Variants in KIAA0232 observed in about 807,000 individuals in gnomAD.
KIAA0232 encodes uncharacterized protein KIAA0232.
KIAA0232 carries 27 observed loss-of-function variants against 122.0 expected under a neutral mutation model. The ratio of observed to expected loss-of-function variants is 0.22; its 90% confidence interval spans 0.16 to 0.31. KIAA0232 has a LOEUF of 0.31. Among genes scored for constraint, KIAA0232 ranks in the 10% least tolerant of loss-of-function variants. KIAA0232 has a pLI of 1.00. For missense variants in KIAA0232, 1,551 were observed against 1,634.2 expected (o/e 0.95, Z 0.88); for synonymous variants, 613 against 587.6 (o/e 1.04, Z -0.63).
chr4:6,856,302 G>A (rs938442338), intron 4 of KIAA0232, among the ~76,000 whole-genome samples: 3 of 152,170 alleles, frequency 2.0e-5, no homozygotes, highest in Admixed American at 2.0e-4. Context: ...CTTGATTCCA[G>A]TTTAAATAGG....
At chr4:6,840,317 G>T (rs1165177478) in intron 3 of KIAA0232, among the ~76,000 whole-genome samples, 1 of 152,156 alleles carries the variant, frequency 6.6e-6, no homozygotes, top group Non-Finnish European at 1.5e-5. Flanking sequence ...TTGGCCACGT[G>T]CCTCTCTCTG....
At position 6,861,354 on chromosome 4, in the gene KIAA0232, C is replaced by T. The variant is rs758487464; in HGVS notation, c.972C>T (p.Asn324=). The part of the protein sequence containing the change: ...KVRHKAREIR[N]KKGRNGQSRL... Reference sequence around the variant, plus strand: ...GACACAAGGCACGAGAGATTCGAAACAAAAAAGGGCGGAATGGGCAAAGCA... The same window carrying T: ...GACACAAGGCACGAGAGATTCGAAATAAAAAAGGGCGGAATGGGCAAAGCA... The change falls in exon 7 of 10, where the codon AAC becomes AAT. Residue 324 remains asparagine, a synonymous_variant. Coordinates refer to ENST00000307659, the MANE Select transcript of KIAA0232 (RefSeq NM_014743.3). 6.2e-7 allele frequency: 1 copy of T among 1,613,952 alleles called. No individual in the cohort carries two copies. Among genetic ancestry groups the T allele is most frequent in the East Asian group, 2.2e-5 (1 of 44,870 alleles).
chr4:6,822,335 G>C (rs73080513), intron 2 of KIAA0232, among the ~76,000 whole-genome samples: 2,301 of 152,214 alleles, frequency 0.015, 53 homozygotes, highest in African/African-American at 0.052. Context: ...ACTTAGTCCT[G>C]CGGTGAACTT....
At chr4:6,880,241 G>C (rs4996398) in intron 9 of KIAA0232, among the ~76,000 whole-genome samples, 87 of 7,194 alleles carry the variant, frequency 0.012, 11 homozygotes, top group African/African-American at 0.051. Flanking sequence ...TCCCAACACA[G>C]AGGTCTGCAG....
In KIAA0232 at chr4:6,858,525, G is replaced by T. The variant is rs768069549; in HGVS notation, c.518+19G>T. 22 of 1,510,124 alleles carry T rather than the reference G, an allele frequency of 1.5e-5. No homozygotes were observed. Among genetic ancestry groups the T allele is most frequent in the Non-Finnish European group, 1.7e-5 (19 of 1,101,868 alleles). The allele number at this position is 1,510,124 out of a possible 1,614,324, so 93.5% of individuals were successfully genotyped here. ...TGGAAATGTATGTAAGATTGTATTC[G>T]GTAATAAAGTGTGCATTTGTTAAAA... is the stretch of plus-strand genomic sequence containing the variant. On this transcript the variant is annotated intron_variant, in intron 6 of 9. Transcript: ENST00000307659.
At chr4:6,844,065 G>T (rs1021522186) in intron 4 of KIAA0232, among the ~76,000 whole-genome samples, 1 of 144,824 alleles carries the variant, frequency 6.9e-6, no homozygotes, top group South Asian at 2.3e-4. Flanking sequence ...TCAGCCTCCT[G>T]AATAGCTGGG....
chr4:6,857,590 G>A (rs1720629617), intron 5 of KIAA0232, among the ~76,000 whole-genome samples: 1 of 152,042 alleles, frequency 6.6e-6, no homozygotes, highest in South Asian at 2.1e-4. Flanking sequence ...CCCCATCCTT[G>A]CCCCTCTGTT....
Position 6,860,019 on chromosome 4 carries a change from A to G in KIAA0232, c.519-882A>G, listed in dbSNP as rs537901574. Among the ~76,000 whole-genome samples, 164 of 152,324 alleles carry G rather than the reference A, an allele frequency of 1.1e-3. 1 individual carries two copies. The highest frequency in any genetic ancestry group is 3.8e-3 in the African/African-American group (156 of 41,570). ...ACACAGGCTCTCAGGCCTCACAGGT[A>G]GTACTCACTAAACTTGTGGAATAAA... is the stretch of plus-strand genomic sequence containing the variant. On this transcript the variant is annotated intron_variant, in intron 6 of 9. Coordinates refer to ENST00000307659, the MANE Select transcript of KIAA0232 (RefSeq NM_014743.3).
chr4:6,872,136 T>C (rs1560210570), intron 8 of KIAA0232, among the ~76,000 whole-genome samples: 1 of 152,166 alleles, frequency 6.6e-6, no homozygotes, highest in Non-Finnish European at 1.5e-5. Context: ...GCGTCTGACA[T>C]GCAGGAAGGG....
rs543270257 is a variant in KIAA0232, at chr4:6,882,840, C to T, written c.*1874C>T. 7 of 152,726 alleles carry T rather than the reference C, an allele frequency of 4.6e-5. No individual in the cohort carries two copies. Among genetic ancestry groups the T allele is most frequent in the South Asian group, 2.1e-4 (1 of 4,826 alleles). The allele number at this position is 152,726 out of a possible 1,614,324, so 9.5% of individuals were successfully genotyped here. A position where few individuals can be genotyped will look rare whatever the true frequency, so the allele number is the denominator to read the frequency against. On this transcript the variant is annotated 3_prime_UTR_variant, in exon 10 of 10. Transcript: ENST00000307659. ...TAAATTCCTCATATCACTACAGTGA[C>T]GATTATTCTAGAAATCGTTGCTTGT...
At chr4:6,792,598 G>T (rs1252530996) in intron 1 of KIAA0232, among the ~76,000 whole-genome samples, 1 of 151,276 alleles carries the variant, frequency 6.6e-6, no homozygotes, top group African/African-American at 2.4e-5. Context: ...AAGGCACAGG[G>T]TTGGCTTTAT....
chr4:6,843,647 G>A (rs1386264014), intron 4 of KIAA0232, among the ~76,000 whole-genome samples: 1 of 152,116 alleles, frequency 6.6e-6, no homozygotes, highest in Non-Finnish European at 1.5e-5. Context: ...GTGCATGCCT[G>A]TAATCCCAGC....
intron 1 of KIAA0232, among the ~76,000 whole-genome samples, chr4:6,797,677 G>C (rs1414117392): frequency 3.3e-5 from 5 of 150,294 alleles, no homozygotes; most frequent in African/African-American, 4.9e-5. Flanking sequence ...GAGGTGGTAG[G>C]ATTGCTTGAG....
chr4:6,835,826 C>G (rs927615253), intron 3 of KIAA0232, among the ~76,000 whole-genome samples: 2 of 152,204 alleles, frequency 1.3e-5, no homozygotes, highest in Non-Finnish European at 2.9e-5. Flanking sequence ...GCGTAGTATT[C>G]CATGGTGTAT....
intron 2 of KIAA0232, among the ~76,000 whole-genome samples, chr4:6,811,180 C>G (rs1161985122): frequency 1.3e-5 from 2 of 152,056 alleles, no homozygotes; most frequent in Non-Finnish European, 2.9e-5. Context: ...CGGCACTATT[C>G]ACAATAACAA....
chr4:6,792,399 C>T (rs1716934992), intron 1 of KIAA0232, among the ~76,000 whole-genome samples: 1 of 151,948 alleles, frequency 6.6e-6, no homozygotes, highest in Non-Finnish European at 1.5e-5. Flanking sequence ...AAAAATTGAC[C>T]AACAAGTTTC....
intron 1 of KIAA0232, among the ~76,000 whole-genome samples, chr4:6,790,610 C>A (rs1473421707): frequency 6.6e-6 from 1 of 151,930 alleles, no homozygotes; most frequent in Non-Finnish European, 1.5e-5. Context: ...ATATCAAACT[C>A]CTGGCCTCAA....
At chr4:6,831,315 A>G (rs1369808833) in intron 3 of KIAA0232, among the ~76,000 whole-genome samples, 5 of 152,118 alleles carry the variant, frequency 3.3e-5, no homozygotes, top group Non-Finnish European at 7.4e-5. Context: ...CGGCCTCCCA[A>G]AGCGCTGGGA....
chr4:6,874,496 C>T (rs368422929), intron 8 of KIAA0232, among the ~76,000 whole-genome samples: 8 of 152,136 alleles, frequency 5.3e-5, no homozygotes, highest in South Asian at 2.1e-4. Context: ...CCAGGAGTGC[C>T]GTCCCAAACA....
Sources: allele counts gnomAD v4.1 joint callset (sites outside exome capture counted in the v4.1 genomes callset), GRCh38; gene constraint gnomAD v4.1.1; transcripts MANE v1.5; gene names NCBI Gene and HGNC (gene_info 2026-07-23, HGNC 2026-07-21).